The following GRID2 variants were observed in gnomAD, a reference collection of about 807,000 sequenced individuals.
GRID2 encodes the protein glutamate receptor ionotropic, delta-2.
Under a neutral mutation model 114.8 loss-of-function variants are expected in GRID2, and 33 were observed. The ratio of observed to expected loss-of-function variants is 0.29; its 90% CI spans 0.22 to 0.38. GRID2 has a LOEUF of 0.38. Ranked by LOEUF, GRID2 falls within the 10% of genes least tolerant of loss-of-function variation. The probability of loss-of-function intolerance (pLI) is 1.00; values close to 1 mark genes in which losing one functional copy is unlikely to be tolerated. For missense variants in GRID2, 1,184 were observed against 1,257.7 expected, an observed-to-expected ratio of 0.94 and a Z score of 0.89; for synonymous variants, 505 against 449.9, an observed-to-expected ratio of 1.12 and a Z score of -1.55.
intron 1 of GRID2, among the ~76,000 whole-genome samples, chr4:92,457,833 T>C (rs543697785): frequency 4.6e-5 from 7 of 152,314 alleles, no homozygotes; most frequent in African/African-American, 1.4e-4. Context: ...CCTGTCTGTT[T>C]GCAAGGATTT....
chr4:93,216,203 T>C (rs774145035), intron 5 of GRID2, among the ~76,000 whole-genome samples: 1 of 152,044 alleles, frequency 6.6e-6, no homozygotes, highest in Non-Finnish European at 1.5e-5. Context: ...GAAAAACTTA[T>C]ATATCCTCTT....
intron 2 of GRID2, among the ~76,000 whole-genome samples, chr4:92,810,870 C>A (rs1055026556): frequency 6.6e-6 from 1 of 152,140 alleles, no homozygotes; most frequent in African/African-American, 2.4e-5. Flanking sequence ...TGGCTCACTG[C>A]AACCTCCGCC....
At chr4:92,852,942 A>C (rs1743928560) in intron 2 of GRID2, among the ~76,000 whole-genome samples, 1 of 151,978 alleles carries the variant, frequency 6.6e-6, no homozygotes, top group South Asian at 2.1e-4. Context: ...GGAATAATCA[A>C]TCATTCTTTC....
chr4:93,731,027 A>G (rs1730440251), intron 14 of GRID2, among the ~76,000 whole-genome samples: 2 of 152,218 alleles, frequency 1.3e-5, no homozygotes, highest in South Asian at 4.1e-4. Flanking sequence ...GTCACTGACT[A>G]TAGTTGGCCC....
At chr4:93,647,240 G>A (rs1722191799) in intron 14 of GRID2, among the ~76,000 whole-genome samples, 1 of 152,100 alleles carries the variant, frequency 6.6e-6, no homozygotes, top group South Asian at 2.1e-4. Context: ...TAAATTCTAG[G>A]AATGAGAATG....
intron 2 of GRID2, among the ~76,000 whole-genome samples, chr4:92,967,933 T>A (rs1036156701): frequency 2.0e-5 from 3 of 151,876 alleles, no homozygotes; most frequent in African/African-American, 7.2e-5. Flanking sequence ...TCTATTAGCA[T>A]TCTATCACTA....
chr4:93,577,305 G>C (rs1268942657), intron 13 of GRID2, among the ~76,000 whole-genome samples: 1 of 152,074 alleles, frequency 6.6e-6, no homozygotes, highest in Non-Finnish European at 1.5e-5. Flanking sequence ...AGTTGTCATG[G>C]AAACATTTAT....
intron 1 of GRID2, among the ~76,000 whole-genome samples, chr4:92,581,923 T>C (rs1447099233): frequency 6.6e-6 from 1 of 152,090 alleles, no homozygotes. Flanking sequence ...TCATAACTAA[T>C]ACCCTCTGTG....
intron 13 of GRID2, among the ~76,000 whole-genome samples, chr4:93,520,022 A>T (rs796427228): frequency 6.6e-6 from 1 of 152,254 alleles, no homozygotes; most frequent in African/African-American, 2.4e-5. Flanking sequence ...AGTCATAACA[A>T]TATGGGCCAG....
intron 1 of GRID2, among the ~76,000 whole-genome samples, chr4:92,340,318 A>G (rs903506394): frequency 5.9e-5 from 9 of 152,066 alleles, no homozygotes; most frequent in African/African-American, 2.2e-4. Context: ...AGTCCAATCT[A>G]TTTGCCACAT....
chr4:93,625,494 G>T (rs1323881349), intron 13 of GRID2, among the ~76,000 whole-genome samples: 6 of 152,210 alleles, frequency 3.9e-5, no homozygotes, highest in African/African-American at 1.4e-4. Flanking sequence ...CAGAATAAAA[G>T]CTTACTTAGA....
At chr4:93,463,581 T>G (rs185137322) in intron 11 of GRID2, among the ~76,000 whole-genome samples, 140 of 152,348 alleles carry the variant, frequency 9.2e-4, no homozygotes, top group Non-Finnish European at 1.8e-3. Context: ...TGTTCCATAA[T>G]TAAAATTACT....
chr4:93,501,551 A>G (rs1386267659), intron 12 of GRID2, among the ~76,000 whole-genome samples: 1 of 152,028 alleles, frequency 6.6e-6, no homozygotes, highest in Non-Finnish European at 1.5e-5. Context: ...ACAGTGATGG[A>G]TGTTTCCCAA....
chr4:92,813,269 G>T (rs776643544), intron 2 of GRID2, among the ~76,000 whole-genome samples: 1 of 152,070 alleles, frequency 6.6e-6, no homozygotes, highest in Non-Finnish European at 1.5e-5. Context: ...AATTCTGAAG[G>T]CTAGACATCT....
intron 13 of GRID2, among the ~76,000 whole-genome samples, chr4:93,592,802 C>T (rs1738538856): frequency 6.6e-6 from 1 of 152,156 alleles, no homozygotes; most frequent in African/African-American, 2.4e-5. Context: ...ATGCCTTTAC[C>T]ATTATGTAAT....
chr4:92,699,658 C>G (rs980309483), intron 2 of GRID2, among the ~76,000 whole-genome samples: 1 of 152,090 alleles, frequency 6.6e-6, no homozygotes, highest in Non-Finnish European at 1.5e-5. Flanking sequence ...AGCACAAAAT[C>G]AAGCACAATT....
In GRID2 at chr4:92,940,846, T is replaced by C. The variant is rs1475466223; in HGVS notation, c.245-144149T>C. Among the ~76,000 whole-genome samples, 8 of 152,326 alleles carry C rather than the reference T, an allele frequency of 5.3e-5. No homozygotes were observed. The East Asian group carries it at 1.2e-3, about 22-fold the overall frequency. On this transcript the variant is annotated intron_variant, in intron 2 of 15. Coordinates refer to ENST00000282020, the MANE Select transcript of GRID2 (RefSeq NM_001510.4). Reference sequence around the variant, plus strand: ...ATAATCATGTGGTTTTTGTCTTTGGTTCTGTTTATATGCTGGATTACATTT... The same window carrying C: ...ATAATCATGTGGTTTTTGTCTTTGGCTCTGTTTATATGCTGGATTACATTT...
chr4:93,681,463 C>T (rs1725528657), intron 14 of GRID2, among the ~76,000 whole-genome samples: 1 of 151,482 alleles, frequency 6.6e-6, no homozygotes, highest in Non-Finnish European at 1.5e-5. Context: ...AAAGAGCCCG[C>T]ATTGCCAAGT....
At chr4:93,645,437 T>C (rs1722021738) in intron 14 of GRID2, among the ~76,000 whole-genome samples, 1 of 152,164 alleles carries the variant, frequency 6.6e-6, no homozygotes, top group South Asian at 2.1e-4. Context: ...GAGCGATGGT[T>C]ATTGACTTGG....
Sources: gnomAD v4.1 joint callset for allele counts (sites outside exome capture counted in the v4.1 genomes callset) on GRCh38, gnomAD v4.1.1 for gene constraint, MANE v1.5 for transcripts, NCBI Gene and HGNC (gene_info 2026-07-23, HGNC 2026-07-21) for gene names.